Variants in SUCLG2 observed in about 807,000 individuals in gnomAD.
The protein encoded by SUCLG2 is succinate--CoA ligase [GDP-forming] subunit beta, mitochondrial.
In SUCLG2, 42 loss-of-function variants were observed where a neutral mutation model predicts 47.9. That is an observed-to-expected ratio of 0.88 (90% confidence interval 0.69 to 1.14). The LOEUF is 1.14. Among genes scored for constraint, SUCLG2 ranks in the 50% most tolerant of loss-of-function variants. SUCLG2 has a pLI of 0.00. For synonymous variants in SUCLG2, 195 were observed against 197.3 expected, an observed-to-expected ratio of 0.99 and a Z score of 0.10; for missense variants, 571 against 525.9, an observed-to-expected ratio of 1.09 and a Z score of -0.84.
At chr3:67,387,895 A>C (rs1702294759) in intron 10 of SUCLG2, among the ~76,000 whole-genome samples, 1 of 152,014 alleles carries the variant, frequency 6.6e-6, no homozygotes, top group Admixed American at 6.6e-5. Flanking sequence ...CATGCAGGTC[A>C]ATGAACTTTA....
chr3:67,609,778 T>C (rs1398042214), intron 1 of SUCLG2, among the ~76,000 whole-genome samples, 182 bp from the exon 2 acceptor site: 1 of 152,168 alleles, frequency 6.6e-6, no homozygotes, highest in East Asian at 1.9e-4. Flanking sequence ...CAAAAACTGT[T>C]AAGGACAACT....
chr3:67,617,039 T>G (rs192510378), intron 1 of SUCLG2, among the ~76,000 whole-genome samples: 10 of 152,222 alleles, frequency 6.6e-5, no homozygotes, highest in African/African-American at 2.4e-4. Flanking sequence ...TTGTTCTGTA[T>G]GCAAATTAGC....
At chr3:67,507,715 C>T (rs539222363) in intron 7 of SUCLG2, among the ~76,000 whole-genome samples, 98 of 152,292 alleles carry the variant, frequency 6.4e-4, no homozygotes, top group South Asian at 5.2e-3. Context: ...TTGTCTCATC[C>T]GTCTTGGTCC....
intron 1 of SUCLG2, among the ~76,000 whole-genome samples, chr3:67,625,108 G>T (rs1331319773): frequency 1.3e-5 from 2 of 152,248 alleles, no homozygotes; most frequent in Non-Finnish European, 2.9e-5. Flanking sequence ...AATGCTAGAT[G>T]ATATTGCTAC....
intron 2 of SUCLG2, among the ~76,000 whole-genome samples, chr3:67,533,138 G>A (rs1706446152): frequency 6.6e-6 from 1 of 152,110 alleles, no homozygotes. Flanking sequence ...AGCCATAATA[G>A]GAATCATAGT....
chr3:67,532,027 C>T (rs777735363), intron 2 of SUCLG2, among the ~76,000 whole-genome samples: 18 of 152,118 alleles, frequency 1.2e-4, no homozygotes, highest in Non-Finnish European at 2.4e-4. Context: ...AAAAAAAAAT[C>T]CCATATATGA....
chr3:67,422,194 C>T (rs930598967), intron 9 of SUCLG2, among the ~76,000 whole-genome samples: 2 of 152,030 alleles, frequency 1.3e-5, no homozygotes, highest in African/African-American at 4.8e-5. Context: ...AACATTCAGG[C>T]TGGGCACAGT....
chr3:67,453,936 G>A (rs374650229), intron 9 of SUCLG2, among the ~76,000 whole-genome samples: 20 of 152,158 alleles, frequency 1.3e-4, no homozygotes, highest in African/African-American at 3.9e-4. Context: ...CAAGGTTGTC[G>A]TTGTCGTGCA....
In SUCLG2 at chr3:67,522,653, TTTTC is replaced by T. The variant is rs1706139975; in HGVS notation, c.418-2023_418-2020del. Among the ~76,000 whole-genome samples the T allele has an allele frequency of 2.7e-5, 4 of 150,818 alleles. No individual in the cohort carries two copies. The South Asian group carries it at 8.3e-4, about 31-fold the overall frequency. ...AAAACAATGAAAGCACTAACATTGCTTTTCTTTCTTTTTTTTTTTTTTTTTGTTG... is the reference window on the plus strand; with the variant it reads ...AAAACAATGAAAGCACTAACATTGCTTTTCTTTTTTTTTTTTTTTTTGTTG... On this transcript the variant is annotated intron_variant, in intron 4 of 10. Coordinates refer to ENST00000307227, the MANE Select transcript of SUCLG2 (RefSeq NM_003848.4).
chr3:67,634,416 A>C (rs1008976219), intron 1 of SUCLG2, among the ~76,000 whole-genome samples: 1 of 152,176 alleles, frequency 6.6e-6, no homozygotes, highest in African/African-American at 2.4e-5. Context: ...TTTAAAAAAA[A>C]TTTTTTTAAG....
chr3:67,532,199 G>C (rs1057368315), intron 2 of SUCLG2, among the ~76,000 whole-genome samples: 1 of 152,168 alleles, frequency 6.6e-6, no homozygotes, highest in Non-Finnish European at 1.5e-5. Flanking sequence ...GCAGTGGTGT[G>C]ATCTTGGCCC....
intron 9 of SUCLG2, among the ~76,000 whole-genome samples, chr3:67,446,845 A>G (rs950645122): frequency 6.6e-6 from 1 of 152,060 alleles, no homozygotes; most frequent in Non-Finnish European, 1.5e-5. Context: ...CACTATAATC[A>G]CTATTCACTT....
intron 9 of SUCLG2, among the ~76,000 whole-genome samples, chr3:67,401,422 ACT>A (rs1351995348): frequency 4.6e-5 from 7 of 152,130 alleles, no homozygotes; most frequent in African/African-American, 1.4e-4. Context: ...TTAAAAAAAG[ACT>A]CTCGAAATAA....
intron 1 of SUCLG2, among the ~76,000 whole-genome samples, chr3:67,630,703 C>T (rs1700910321): frequency 6.6e-6 from 1 of 152,240 alleles, no homozygotes; most frequent in Non-Finnish European, 1.5e-5. Flanking sequence ...AGTCAATCGT[C>T]TCCTTTTCCC....
At chr3:67,479,266 A>T (rs1329658653) in intron 9 of SUCLG2, among the ~76,000 whole-genome samples, 1 of 152,050 alleles carries the variant, frequency 6.6e-6, no homozygotes, top group Non-Finnish European at 1.5e-5. Context: ...CTGTAAAAGG[A>T]GCTTGTACAA....
chr3:67,604,648 C>CCA (rs1575810423), intron 2 of SUCLG2, among the ~76,000 whole-genome samples: 2 of 107,656 alleles, frequency 1.9e-5, no homozygotes, highest in African/African-American at 8.9e-5. Flanking sequence ...AGTAGGGTGG[C>CCA]GAGAAGAAGA....
In SUCLG2 at chr3:67,469,408, G is replaced by A. The variant is rs546510228; in HGVS notation, c.1062+26390C>T. On this transcript the variant is annotated intron_variant, in intron 9 of 10. Transcript: ENST00000307227. ...TTTACCCTAGGCCTCACATGACTAGGAAGTTCTTAGCTATACTTTATTTTA... is the reference window on the plus strand; with the variant it reads ...TTTACCCTAGGCCTCACATGACTAGAAAGTTCTTAGCTATACTTTATTTTA... Among the ~76,000 whole-genome samples, 80 of 152,292 alleles carry A rather than the reference G, an allele frequency of 5.3e-4. No homozygotes were observed. The Middle Eastern group carries it at 0.01, about 19-fold the overall frequency.
At chr3:67,466,116 G>T (rs1393609207) in intron 9 of SUCLG2, among the ~76,000 whole-genome samples, 1 of 152,082 alleles carries the variant, frequency 6.6e-6, no homozygotes, top group African/African-American at 2.4e-5. Flanking sequence ...ACTTTGGGAG[G>T]CTGAGGCAGG....
At chr3:67,434,628 G>T (rs2106894748) in intron 9 of SUCLG2, among the ~76,000 whole-genome samples, 1 of 152,342 alleles carries the variant, frequency 6.6e-6, no homozygotes, top group African/African-American at 2.4e-5. Flanking sequence ...CAACACTTAG[G>T]ATGAGAGAAG....
Sources: allele counts gnomAD v4.1 joint callset (sites outside exome capture counted in the v4.1 genomes callset), GRCh38; gene constraint gnomAD v4.1.1; transcripts MANE v1.5; gene names NCBI Gene and HGNC (gene_info 2026-07-23, HGNC 2026-07-21).